The following OTOGL variants were observed in gnomAD, a reference collection of about 807,000 sequenced individuals.
The protein encoded by OTOGL is otogelin-like protein.
In OTOGL, 285 loss-of-function variants were observed where a neutral mutation model predicts 318.5. The ratio of observed to expected loss-of-function variants is 0.89; its 90% CI spans 0.81 to 0.99. The LOEUF (loss-of-function observed/expected upper bound fraction) is 0.99. Among genes scored for constraint, OTOGL ranks in the 50% least tolerant of loss-of-function variants. The pLI is 0.00. For missense variants in OTOGL, 2,899 were observed against 2,845.6 expected (o/e 1.02, Z -0.43); for synonymous variants, 987 against 936.5 (o/e 1.05, Z -0.99).
chr12:80,266,226 A>C (rs573185133), intron 20 of OTOGL: 2 of 527,156 alleles, frequency 3.8e-6, no homozygotes, highest in Non-Finnish European at 6.8e-6. Context: ...TGCGAAGCTG[A>C]AAATACTTAC....
intron 34 of OTOGL, 42 bp from the exon 35 acceptor site, chr12:80,323,681 T>C (rs1887492845): frequency 2.8e-6 from 4 of 1,403,774 alleles, no homozygotes; most frequent in Non-Finnish European, 4.0e-6. Flanking sequence ...TTTCAAGCTA[T>C]GTATTAAATA....
chr12:80,108,953 T>TATATATATATAC (rs1555268625), intron 1 of OTOGL, among the ~76,000 whole-genome samples: 2 of 142,752 alleles, frequency 1.4e-5, no homozygotes, highest in African/African-American at 5.2e-5. Context: ...TATATATATA[T>TATATATATATAC]ACACACACAC....
rs1055303295 is a variant in OTOGL at position 80,356,314 on chromosome 12, G to A, written c.5807-102G>A. On this transcript the variant is annotated intron_variant, in intron 47 of 58. Coordinates refer to ENST00000547103, the MANE Select transcript of OTOGL (RefSeq NM_001378609.3). Reference sequence around the variant, plus strand: ...ACATGCATAATGAGAGTCATTTCCCGTCTTTGAGTTTCCTGTCTTGAGTTG... The same window carrying A: ...ACATGCATAATGAGAGTCATTTCCCATCTTTGAGTTTCCTGTCTTGAGTTG... The A allele has an allele frequency of 1.3e-4, 114 of 854,918 alleles. No individual in the cohort carries two copies. In the East Asian group the frequency reaches 1.5e-3, roughly 11 times the overall value. The allele number at this position is 854,918 out of a possible 1,614,324, so 53.0% of individuals were successfully genotyped here. A position where few individuals can be genotyped will look rare whatever the true frequency, so the allele number is the denominator to read the frequency against.
At chr12:80,313,974 T>C (rs1190387983) in intron 31 of OTOGL, among the ~76,000 whole-genome samples, 1 of 152,136 alleles carries the variant, frequency 6.6e-6, no homozygotes, top group Non-Finnish European at 1.5e-5. Flanking sequence ...TTTAAAAAAA[T>C]CACCTTGAAT....
intron 1 of OTOGL, among the ~76,000 whole-genome samples, chr12:80,193,424 G>C (rs944999916): frequency 6.6e-6 from 1 of 152,102 alleles, no homozygotes; most frequent in Non-Finnish European, 1.5e-5. Flanking sequence ...GCTGAGGCAA[G>C]AGAATCACTT....
intron 30 of OTOGL, among the ~76,000 whole-genome samples, chr12:80,312,376 T>TA (rs1420609478): frequency 1.1e-4 from 16 of 152,234 alleles, no homozygotes; most frequent in African/African-American, 3.9e-4. Flanking sequence ...TCACTATTTC[T>TA]TAGCATATAT....
chr12:80,249,029 C>A, intron 11 of OTOGL, among the ~76,000 whole-genome samples: 1 of 145,918 alleles, frequency 6.9e-6, no homozygotes. Context: ...CTCCTTTAAG[C>A]ACTTCTCTGT....
At chr12:80,164,839 A>C (rs1873737271) in intron 1 of OTOGL, among the ~76,000 whole-genome samples, 1 of 152,148 alleles carries the variant, frequency 6.6e-6, no homozygotes, top group South Asian at 2.1e-4. Flanking sequence ...GGTAATTTAT[A>C]AAGAAAAGAG....
intron 4 of OTOGL, among the ~76,000 whole-genome samples, chr12:80,217,071 A>ATGTTTTCTTTACCGATTGG (rs1425245951): frequency 6.6e-6 from 1 of 152,096 alleles, no homozygotes; most frequent in Non-Finnish European, 1.5e-5. Flanking sequence ...GCTTCTGTGG[A>ATGTTTTCTTTACCGATTGG]TGTTTTCTTT....
intron 1 of OTOGL, among the ~76,000 whole-genome samples, chr12:80,177,554 A>C (rs754872980): frequency 6.6e-6 from 1 of 152,166 alleles, no homozygotes; most frequent in Non-Finnish European, 1.5e-5. Flanking sequence ...CAAATCTTTA[A>C]CTTTATCCTT....
intron 1 of OTOGL, among the ~76,000 whole-genome samples, chr12:80,153,402 T>C (rs1872913362): frequency 1.3e-5 from 2 of 152,158 alleles, no homozygotes; most frequent in South Asian, 4.1e-4. Context: ...GACCATCACA[T>C]TGGGGATTAA....
At chr12:80,176,461 A>G (rs894099827) in intron 1 of OTOGL, among the ~76,000 whole-genome samples, 2 of 152,038 alleles carry the variant, frequency 1.3e-5, no homozygotes, top group Admixed American at 1.3e-4. Flanking sequence ...GTGTCTATAG[A>G]TTAGTTTGCA....
chr12:80,108,042 C>T (rs1027004600), intron 1 of OTOGL, among the ~76,000 whole-genome samples: 1 of 152,044 alleles, frequency 6.6e-6, no homozygotes, highest in African/African-American at 2.4e-5. Flanking sequence ...CACCAAACCC[C>T]ATGACACGCA....
chr12:80,185,893 C>T (rs1592527813), intron 1 of OTOGL, among the ~76,000 whole-genome samples: 1 of 152,086 alleles, frequency 6.6e-6, no homozygotes, highest in Non-Finnish European at 1.5e-5. Flanking sequence ...GGTGGCACTA[C>T]ATAAGATACA....
rs751716272 is a variant in OTOGL, at chr12:80,252,124, G to T, written c.1208G>T (p.Cys403Phe). ...SFVHRDCISC[C>F]PPTCTFEKQC... ...GTCCATCGGGACTGTATCAGTTGTT[G>T]TCCACCAACCTGCACATTTGAGAAG... The change falls in exon 13 of 59, where the codon TGT (cysteine) becomes TTT (phenylalanine). Residue 403 changes from cysteine to phenylalanine, a missense_variant. Cys to Phe is a radical substitution (Grantham distance 205). Transcript: ENST00000547103. 8.3e-6 allele frequency: 13 copies of T among 1,566,844 alleles called. No individual in the cohort carries two copies. Among genetic ancestry groups the T allele is most frequent in the Non-Finnish European group, 9.5e-6 (11 of 1,153,840 alleles).
At chr12:80,116,678 G>A (rs1870186570) in intron 1 of OTOGL, among the ~76,000 whole-genome samples, 1 of 152,190 alleles carries the variant, frequency 6.6e-6, no homozygotes, top group African/African-American at 2.4e-5. Flanking sequence ...GAAAGCTGGT[G>A]TGGGTAAAAG....
chr12:80,187,980 A>G (rs1256898152), intron 1 of OTOGL, among the ~76,000 whole-genome samples: 6 of 152,214 alleles, frequency 3.9e-5, no homozygotes, highest in Non-Finnish European at 7.3e-5. Context: ...GATTACTGCC[A>G]TGTGCTCTAA....
intron 24 of OTOGL, 107 bp from the exon 25 acceptor site, chr12:80,278,061 C>A: frequency 1.1e-6 from 1 of 887,658 alleles, no homozygotes; most frequent in South Asian, 1.6e-5. Context: ...GTGCCTTAGA[C>A]AGCTCTAATA....
chr12:80,152,534 A>T (rs2137172359), intron 1 of OTOGL, among the ~76,000 whole-genome samples: 1 of 152,296 alleles, frequency 6.6e-6, no homozygotes, highest in South Asian at 2.1e-4. Context: ...CTCATCCCAC[A>T]GTGCTGTAGG....
Sources: gnomAD v4.1 joint callset for allele counts (sites outside exome capture counted in the v4.1 genomes callset) on GRCh38, gnomAD v4.1.1 for gene constraint, MANE v1.5 for transcripts, NCBI Gene and HGNC (gene_info 2026-07-23, HGNC 2026-07-21) for gene names.